The following IGSF10 variants were observed in gnomAD, a reference collection of about 807,000 sequenced individuals.
IGSF10 encodes the protein calvaria mechanical force protein 608.
IGSF10 carries 126 observed loss-of-function variants against 128.2 expected under a neutral mutation model. That is an observed-to-expected ratio of 0.98 (90% CI 0.85 to 1.14). The LOEUF (loss-of-function observed/expected upper bound fraction) is 1.14. IGSF10 is among the 50% of genes most tolerant of loss of function. The probability of loss-of-function intolerance (pLI) is 0.00; values close to 1 mark genes in which losing one functional copy is unlikely to be tolerated. For synonymous variants in IGSF10, 1,185 were observed against 1,146.2 expected (o/e 1.03, Z -0.68); for missense variants, 3,295 against 3,149.8 (o/e 1.05, Z -1.10).
the IGSF10 span, among the ~76,000 whole-genome samples, chr3:151,542,333 G>A: frequency 4.0e-5 from 6 of 151,710 alleles, no homozygotes; most frequent in Non-Finnish European, 5.9e-5. Flanking sequence ...TCACTATAAC[G>A]AAAATCTCCC....
At chr3:151,544,172 G>C in the IGSF10 span, among the ~76,000 whole-genome samples, 4 of 152,150 alleles carry the variant, frequency 2.6e-5, no homozygotes, top group Non-Finnish European at 4.4e-5. Context: ...GCCTCCCAAA[G>C]TGCTGGGATT....
Position 151,447,301 on chromosome 3 carries a change from A to G in IGSF10, c.2680T>C (p.Phe894Leu), listed in dbSNP as rs769884071. The G allele has an allele frequency of 6.2e-7, 1 of 1,614,176 alleles. No individual in the cohort carries two copies. The highest frequency in any genetic ancestry group is 1.1e-5 in the South Asian group (1 of 91,084). The change falls in exon 6 of 8, where the codon TTT (phenylalanine) becomes CTT (leucine). Residue 894 changes from phenylalanine to leucine, a missense_variant. Transcript: ENST00000282466. ...GTTNQHSSTV[F>L]PLLLGATEFQ... is the part of the protein sequence containing the mutation. Reference sequence around the variant, plus strand: ...TCAGTTGCTCCAAGTAGCAGTGGAAAGACAGTGGATGAATGTTGATTGGTT... The same window carrying G: ...TCAGTTGCTCCAAGTAGCAGTGGAAGGACAGTGGATGAATGTTGATTGGTT...
the IGSF10 span, among the ~76,000 whole-genome samples, chr3:151,618,022 T>C: frequency 2.0e-5 from 3 of 152,306 alleles, no homozygotes; most frequent in East Asian, 1.9e-4. Flanking sequence ...AATGTTCATG[T>C]TCCCTCACAT....
the IGSF10 span, among the ~76,000 whole-genome samples, chr3:151,586,265 T>G: frequency 6.6e-6 from 1 of 152,194 alleles, no homozygotes. Context: ...TGGCCCATAT[T>G]AACTTTTTCA....
the IGSF10 span, among the ~76,000 whole-genome samples, chr3:151,585,454 T>C: frequency 6.6e-6 from 1 of 152,196 alleles, no homozygotes; most frequent in South Asian, 2.1e-4. Context: ...CATATTTTGC[T>C]ATTGTTGCAT....
At chr3:151,506,809 T>G in the IGSF10 span, among the ~76,000 whole-genome samples, 1 of 152,160 alleles carries the variant, frequency 6.6e-6, no homozygotes, top group Admixed American at 6.5e-5. Context: ...ATTGGAAGAT[T>G]GATAGACCAA....
the IGSF10 span, among the ~76,000 whole-genome samples, chr3:151,475,209 T>C: frequency 6.6e-6 from 1 of 152,156 alleles, no homozygotes; most frequent in African/African-American, 2.4e-5. Context: ...ATGTGACTTG[T>C]GAATTTCATA....
chr3:151,520,276 G>A, the IGSF10 span, among the ~76,000 whole-genome samples: 4 of 151,798 alleles, frequency 2.6e-5, no homozygotes, highest in African/African-American at 7.2e-5. Context: ...GGTCATAACT[G>A]TTAACCTACC....
chr3:151,432,982 G>A, downstream of IGSF10: 1 of 537,336 alleles, frequency 1.9e-6, no homozygotes, highest in Non-Finnish European at 3.2e-6. Flanking sequence ...CCAAGGAGAA[G>A]TTGTGGTTTG....
the IGSF10 span, among the ~76,000 whole-genome samples, chr3:151,602,935 G>A: frequency 6.6e-6 from 1 of 152,156 alleles, no homozygotes; most frequent in South Asian, 2.1e-4. Context: ...CAGGTAAAGC[G>A]GTTGAAGGAC....
At chr3:151,440,181 C>A (rs1046315740) in intron 7 of IGSF10, among the ~76,000 whole-genome samples, 9 of 152,206 alleles carry the variant, frequency 5.9e-5, no homozygotes, top group Non-Finnish European at 1.2e-4. Flanking sequence ...AGACACACAC[C>A]ACTATGCCCT....
the IGSF10 span, among the ~76,000 whole-genome samples, chr3:151,509,966 G>A: frequency 2.2e-4 from 33 of 152,162 alleles, no homozygotes; most frequent in African/African-American, 7.0e-4. Flanking sequence ...GTAGGTAAAC[G>A]AAGTGGCCAG....
chr3:151,545,858 A>G, the IGSF10 span, among the ~76,000 whole-genome samples: 10 of 152,326 alleles, frequency 6.6e-5, no homozygotes, highest in South Asian at 1.0e-3. Flanking sequence ...ATGAATCAGG[A>G]AGAAGCAAAA....
At chr3:151,565,263 G>A in the IGSF10 span, among the ~76,000 whole-genome samples, 1 of 152,174 alleles carries the variant, frequency 6.6e-6, no homozygotes, top group Non-Finnish European at 1.5e-5. Context: ...CAAATTGGTA[G>A]AGAGACCTTG....
chr3:151,443,254 G>T lies in IGSF10; in HGVS notation c.5693C>A (p.Ser1898Ter). ...QFTNSKLFLF[S>*]NGTLYIRNLA... Reference sequence around the variant, plus strand: ...GTTTCTTATATACAAAGTCCCATTTGAAAATAAGAACAACTTGGAATTGGT... The same window carrying T: ...GTTTCTTATATACAAAGTCCCATTTTAAAATAAGAACAACTTGGAATTGGT... Residue 1898 changes from serine to a stop codon, truncating the protein, a stop_gained, in exon 7 of 8, where the codon TCA (serine) becomes TAA (stop). Transcript: ENST00000282466. LOFTEE classifies it high-confidence loss of function. 6.2e-7 allele frequency: 1 copy of T among 1,611,524 alleles called. No individual in the cohort carries two copies. Among genetic ancestry groups the T allele is most frequent in the Middle Eastern group, 1.7e-4 (1 of 6,046 alleles).
At chr3:151,451,190 C>G (rs998661127) in intron 5 of IGSF10, among the ~76,000 whole-genome samples, 1 of 151,632 alleles carries the variant, frequency 6.6e-6, no homozygotes, top group Admixed American at 6.6e-5. Context: ...CTCAACCCTG[C>G]CATGCCCCAT....
At chr3:151,616,797 T>G in the IGSF10 span, among the ~76,000 whole-genome samples, 2 of 152,226 alleles carry the variant, frequency 1.3e-5, no homozygotes, top group African/African-American at 4.8e-5. Context: ...TTATTCTGTT[T>G]TCTGTTGCTA....
At chr3:151,457,254 T>A in intron 3 of IGSF10, 99 bp from the exon 4 acceptor site, 1 of 1,092,236 alleles carries the variant, frequency 9.2e-7, no homozygotes. Flanking sequence ...ATACCTCTCT[T>A]TATAACTGTA....
chr3:151,477,599 C>T, the IGSF10 span, among the ~76,000 whole-genome samples: 1 of 152,058 alleles, frequency 6.6e-6, no homozygotes, highest in African/African-American at 2.4e-5. Context: ...TATGAGAGAA[C>T]GAAGCTTTAT....
Sources: gnomAD v4.1 joint callset for allele counts (sites outside exome capture counted in the v4.1 genomes callset) on GRCh38, gnomAD v4.1.1 for gene constraint, MANE v1.5 for transcripts, NCBI Gene and HGNC (gene_info 2026-07-23, HGNC 2026-07-21) for gene names.